LPAR3: variants seen among roughly 807,000 people sequenced by gnomAD.
The protein encoded by LPAR3 is lysophosphatidic acid receptor 3, also known as LPA receptor 3.
A neutral mutation model predicts 17.8 loss-of-function variants in LPAR3; 7 were observed. The ratio of observed to expected loss-of-function variants is 0.39; its 90% CI spans 0.22 to 0.74. The LOEUF (loss-of-function observed/expected upper bound fraction) is 0.74, where lower values mean the gene tolerates loss of function less well. Among genes scored for constraint, LPAR3 ranks in the 30% least tolerant of loss-of-function variants. LPAR3 has a pLI of 0.40. For synonymous variants in LPAR3, 179 were observed against 179.9 expected, an observed-to-expected ratio of 0.99 and a Z score of 0.04; for missense variants, 391 against 453.4, an observed-to-expected ratio of 0.86 and a Z score of 1.25.
At chr1:84,843,783 T>A (rs1659550640) in intron 2 of LPAR3, among the ~76,000 whole-genome samples, 1 of 152,246 alleles carries the variant, frequency 6.6e-6, no homozygotes, top group South Asian at 2.1e-4. Context: ...CAGTGCAGCT[T>A]TGGGGCTATT....
intron 1 of LPAR3, among the ~76,000 whole-genome samples, chr1:84,881,693 ACCACATTCACTCTGCTGTAGCTT>A (rs1455929984): frequency 6.6e-6 from 1 of 152,156 alleles, no homozygotes; most frequent in Non-Finnish European, 1.5e-5. Context: ...TTAAGACAGT[ACCACATTCACTCTGCTGTAGCTT>A]GAAACAAAGC....
At chr1:84,884,233 C>T (rs1230481430) in intron 1 of LPAR3, among the ~76,000 whole-genome samples, 1 of 152,222 alleles carries the variant, frequency 6.6e-6, no homozygotes, top group Admixed American at 6.5e-5. Context: ...CAGGACACAG[C>T]AGTGAGGACA....
chr1:84,858,964 A>T (rs1659882865), intron 2 of LPAR3, among the ~76,000 whole-genome samples: 1 of 152,220 alleles, frequency 6.6e-6, no homozygotes, highest in South Asian at 2.1e-4. Context: ...GGAGTTTCCC[A>T]GGCAGAACTA....
intron 2 of LPAR3, among the ~76,000 whole-genome samples, chr1:84,839,545 T>C (rs1659470611): frequency 6.6e-6 from 1 of 152,086 alleles, no homozygotes; most frequent in Non-Finnish European, 1.5e-5. Context: ...ATGGTGCACA[T>C]CTGTAGTCCT....
Position 84,865,590 on chromosome 1 carries a change from A to G in LPAR3, c.531T>C (p.Ser177=), listed in dbSNP as rs1406217984. The change falls in exon 2 of 3, where the codon TCT becomes TCC. Residue 177 remains serine (S), a synonymous_variant. Coordinates refer to ENST00000370611, the MANE Select transcript of LPAR3 (RefSeq NM_012152.3). ...TCCTGCTGTAAATGGGGGCCAGGGAAGAGCAGGCAGAGATGTTGCAGAGGC... is the reference window on the plus strand; with the variant it reads ...TCCTGCTGTAAATGGGGGCCAGGGAGGAGCAGGCAGAGATGTTGCAGAGGC... ...WNCLCNISAC[S]SLAPIYSRSY... The G allele has an allele frequency of 5.6e-6, 9 of 1,614,108 alleles. No homozygotes were observed. The highest frequency in any genetic ancestry group is 7.6e-6 in the Non-Finnish European group (9 of 1,180,050).
chr1:84,864,701 T>A (rs1660005846), intron 2 of LPAR3, among the ~76,000 whole-genome samples: 1 of 151,916 alleles, frequency 6.6e-6, no homozygotes, highest in Non-Finnish European at 1.5e-5. Context: ...GAGAATTGCT[T>A]GAACTCGGGA....
intron 2 of LPAR3, among the ~76,000 whole-genome samples, chr1:84,831,734 C>T (rs1468739010): frequency 6.6e-6 from 1 of 151,354 alleles, no homozygotes; most frequent in African/African-American, 2.4e-5. Context: ...GAGCCTCACA[C>T]TCTTCTGTTC....
rs1024197510 is a variant in LPAR3, at chr1:84,812,999, T to A, written c.*847A>T. 1 of 151,532 alleles carries A rather than the reference T, an allele frequency of 6.6e-6. No individual in the cohort carries two copies. Among genetic ancestry groups the A allele is most frequent in the Non-Finnish European group, 1.5e-5 (1 of 67,924 alleles). 9.4% of individuals were successfully genotyped at this position (151,532 alleles called of 1,614,324 possible). A position where few individuals can be genotyped will look rare whatever the true frequency, so the allele number is the denominator to read the frequency against. On this transcript the variant is annotated 3_prime_UTR_variant, in exon 3 of 3. Transcript: ENST00000370611. Reference sequence around the variant, plus strand: ...TAATGTGGACTGGCGGGAGGCAGTCTGGGGCGGTAACCCCGTATCTGAAAT... The same window carrying A: ...TAATGTGGACTGGCGGGAGGCAGTCAGGGGCGGTAACCCCGTATCTGAAAT...
At chr1:84,836,316 C>G (rs1311949236) in intron 2 of LPAR3, among the ~76,000 whole-genome samples, 1 of 130,392 alleles carries the variant, frequency 7.7e-6, no homozygotes, top group African/African-American at 2.9e-5. Flanking sequence ...CCAGCCTGGG[C>G]GATACAATGA....
chr1:84,872,290 T>C (rs1052420833), intron 1 of LPAR3, among the ~76,000 whole-genome samples: 8 of 152,202 alleles, frequency 5.3e-5, no homozygotes, highest in Non-Finnish European at 1.0e-4. Flanking sequence ...TTCTCTAATT[T>C]GGGTCTCACA....
intron 2 of LPAR3, among the ~76,000 whole-genome samples, chr1:84,833,591 G>A (rs1211413806): frequency 6.6e-6 from 1 of 152,198 alleles, no homozygotes; most frequent in Non-Finnish European, 1.5e-5. Flanking sequence ...AGGGGCAAAT[G>A]GCACAGTGTT....
chr1:84,865,362 C>T, intron 2 of LPAR3, 23 bp downstream of exon 2: 1 of 1,582,554 alleles, frequency 6.3e-7, no homozygotes, highest in South Asian at 1.2e-5. Flanking sequence ...GGAATGATGG[C>T]TTGCTTGGGT....
At chr1:84,891,524 T>C (rs1660551987) in intron 1 of LPAR3, among the ~76,000 whole-genome samples, 1 of 152,186 alleles carries the variant, frequency 6.6e-6, no homozygotes, top group South Asian at 2.1e-4. Flanking sequence ...TGTGTGTTTC[T>C]AACCGTATCA....
At chr1:84,821,172 T>C (rs547201960) in intron 2 of LPAR3, among the ~76,000 whole-genome samples, 1 of 151,960 alleles carries the variant, frequency 6.6e-6, no homozygotes, top group Non-Finnish European at 1.5e-5. Flanking sequence ...AGAGGAATAC[T>C]TTTCCCAAAG....
At position 84,814,068 on chromosome 1, in the gene LPAR3, C is replaced by T; in HGVS notation, c.840G>A (p.Leu280=). ...GVQHVKRWFL[L]LALLNSVVNP... is the part of the protein sequence containing the mutation. ...TCACGACGGAGTTGAGCAGCGCCAGCAGCAGGAACCACCTTTTCACATGCT... is the reference window on the plus strand; with the variant it reads ...TCACGACGGAGTTGAGCAGCGCCAGTAGCAGGAACCACCTTTTCACATGCT... The change falls in exon 3 of 3, where the codon CTG becomes CTA. Residue 280 remains leucine, a synonymous_variant. Coordinates refer to ENST00000370611, the MANE Select transcript of LPAR3 (RefSeq NM_012152.3). The T allele has an allele frequency of 6.2e-7, 1 of 1,614,166 alleles. No homozygotes were observed. Among genetic ancestry groups the T allele is most frequent in the Non-Finnish European group, 8.5e-7 (1 of 1,180,034 alleles).
At chr1:84,871,921 G>T (rs144529821) in intron 1 of LPAR3, among the ~76,000 whole-genome samples, 73 of 152,076 alleles carry the variant, frequency 4.8e-4, no homozygotes, top group African/African-American at 1.7e-3. Context: ...GCCTCCACCC[G>T]CTGCTGCACT....
Position 84,865,469 on chromosome 1 carries a change from T to C in LPAR3, c.652A>G (p.Asn218Asp). 6.2e-7 allele frequency: 1 copy of C among 1,614,186 alleles called. No individual in the cohort carries two copies. Among genetic ancestry groups the C allele is most frequent in the Non-Finnish European group, 8.5e-7 (1 of 1,180,038 alleles). ...RIYVYVKRKT[N>D]VLSPHTSGSI... is the part of the protein sequence containing the mutation. ...CCACTTGTATGCGGAGACAAGACGT[T>C]GGTTTTCCTCTTGACGTACACGTAG... The change falls in exon 2 of 3, where the codon AAC (asparagine) becomes GAC (aspartate). Residue 218 changes from asparagine to aspartate, a missense_variant. By Grantham distance (23) the Asn-to-Asp change is conservative (BLOSUM62 1). Transcript: ENST00000370611.
intron 1 of LPAR3, among the ~76,000 whole-genome samples, chr1:84,881,391 T>G (rs931654706): frequency 7.9e-5 from 12 of 152,344 alleles, no homozygotes; most frequent in Non-Finnish European, 1.2e-4. Context: ...GATTGTTGGA[T>G]GGACTAAATT....
rs531521355 is a variant in LPAR3 at position 84,860,680 on chromosome 1, G to A, written c.736+4705C>T. The stretch of plus-strand genomic sequence containing the variant: ...AATAGACAGTTAATATGTACTTAGA[G>A]ACTGACTTTCTAATATGTAAAAGAA... On this transcript the variant is annotated intron_variant, in intron 2 of 2. Transcript: ENST00000370611. 5.9e-5 allele frequency among the ~76,000 whole-genome samples: 9 copies of A among 151,720 alleles called. No homozygotes were observed. In the South Asian group the frequency reaches 1.7e-3, roughly 28 times the overall value.
Sources: allele counts gnomAD v4.1 joint callset (sites outside exome capture counted in the v4.1 genomes callset), GRCh38; gene constraint gnomAD v4.1.1; transcripts MANE v1.5; gene names NCBI Gene and HGNC (gene_info 2026-07-23, HGNC 2026-07-21).